Variants in ALMS1 observed in about 807,000 individuals in gnomAD.
ALMS1 encodes centrosome-associated protein ALMS1.
In ALMS1, 271 loss-of-function variants were observed where a neutral mutation model predicts 352.2. The ratio of observed to expected loss-of-function variants is 0.77; its 90% CI spans 0.70 to 0.85. The LOEUF (loss-of-function observed/expected upper bound fraction) is 0.85. Ranked by LOEUF, ALMS1 falls within the 40% of genes least tolerant of loss-of-function variation. The pLI is 0.00. For missense variants in ALMS1, 5,445 were observed against 4,870.7 expected, an observed-to-expected ratio of 1.12 and a Z score of -3.51; for synonymous variants, 1,865 against 1,761.2, an observed-to-expected ratio of 1.06 and a Z score of -1.48.
At chr2:73,519,692 C>G in intron 10 of ALMS1, 83 bp from the exon 11 acceptor site, 1 of 1,581,282 alleles carries the variant, frequency 6.3e-7, no homozygotes, top group Non-Finnish European at 8.6e-7. Flanking sequence ...CTTAAATATT[C>G]CTTGAAACCA....
chr2:73,599,381 G>A lies in ALMS1; in HGVS notation c.11548-20G>A, dbSNP rs773020365. 1 of 1,611,294 alleles carries A rather than the reference G, an allele frequency of 6.2e-7. No individual in the cohort carries two copies. Among genetic ancestry groups the A allele is most frequent in the Non-Finnish European group, 8.5e-7 (1 of 1,179,538 alleles). On this transcript the variant is annotated intron_variant, in intron 16 of 22. Transcript: ENST00000613296. ...CATTGACTGCAGGTAATAATAACAA[G>A]ATCTCTTTTATTTTTCTAGGTAGCA...
At chr2:73,414,678 A>G (rs917840039) in intron 2 of ALMS1, among the ~76,000 whole-genome samples, 1 of 151,922 alleles carries the variant, frequency 6.6e-6, no homozygotes, top group Non-Finnish European at 1.5e-5. Flanking sequence ...TAATCATTAC[A>G]TAACTTCTTT....
intron 1 of ALMS1, among the ~76,000 whole-genome samples, chr2:73,393,239 A>T (rs756988609): frequency 6.6e-6 from 1 of 152,210 alleles, no homozygotes; most frequent in African/African-American, 2.4e-5. Flanking sequence ...GTCCCTTGAC[A>T]AATGTGAGGT....
intron 9 of ALMS1, among the ~76,000 whole-genome samples, chr2:73,471,649 C>G (rs1280269185): frequency 1.3e-5 from 2 of 151,756 alleles, no homozygotes; most frequent in Non-Finnish European, 2.9e-5. Flanking sequence ...AAATGCAAAT[C>G]AAAACCACAA....
rs1346503257 is a variant in ALMS1, at chr2:73,449,569, A to T, written c.3042A>T (p.Gln1014His). 2.5e-6 allele frequency: 4 copies of T among 1,614,026 alleles called. No homozygotes were observed. In the East Asian group the frequency reaches 8.9e-5, roughly 36 times the overall value. ...SHREKPSIFYQQEWPDSYATE... is the reference protein window; with the variant it reads ...SHREKPSIFYHQEWPDSYATE... ...GAGAGAAGCCCAGTATTTTCTATCA[A>T]CAGGAGTGGCCAGATAGTTATGCAA... The change falls in exon 8 of 23, where the codon CAA becomes CAT. Residue 1014 changes from glutamine to histidine, a missense_variant. Physicochemically the swap from Gln to His is conservative, Grantham distance 24. Coordinates refer to ENST00000613296, the MANE Select transcript of ALMS1 (RefSeq NM_001378454.1).
intron 15 of ALMS1, among the ~76,000 whole-genome samples, chr2:73,564,143 C>G (rs1279854864): frequency 6.6e-6 from 1 of 151,500 alleles, no homozygotes; most frequent in Non-Finnish European, 1.5e-5. Flanking sequence ...TTTTTTCATA[C>G]AGCTTTATTC....
intron 10 of ALMS1, among the ~76,000 whole-genome samples, chr2:73,511,006 C>G (rs1462738035): frequency 2.0e-5 from 3 of 152,208 alleles, no homozygotes. Flanking sequence ...ACTGCCTACT[C>G]AAGCCTCAGT....
rs775883785 is a variant in ALMS1, at chr2:73,450,336, A to G, written c.3809A>G (p.Glu1270Gly). 3.1e-6 allele frequency: 5 copies of G among 1,612,466 alleles called. No individual in the cohort carries two copies. The South Asian group carries it at 5.5e-5, about 18-fold the overall frequency. Residue 1270 changes from glutamate (E) to glycine (G), a missense_variant, in exon 8 of 23, where the codon GAA (glutamate) becomes GGA (glycine). Physicochemically the swap from Glu to Gly is moderately conservative, Grantham distance 98. Transcript: ENST00000613296. ...GCTCTGAAAATTTCAGTTGCCTCTG[A>G]ACCAGTTGACCAGACAACTGGCACA... Reference protein sequence around the residue: ...EEALKISVASEPVDQTTGTPA... With the variant: ...EEALKISVASGPVDQTTGTPA...
chr2:73,601,720 T>C (rs1420664864), intron 19 of ALMS1, among the ~76,000 whole-genome samples: 2 of 152,210 alleles, frequency 1.3e-5, no homozygotes, highest in African/African-American at 4.8e-5. Flanking sequence ...TGGGTCCCTG[T>C]GTGTGGAGGG....
intron 7 of ALMS1, among the ~76,000 whole-genome samples, chr2:73,434,609 G>A (rs1224315953): frequency 6.6e-6 from 1 of 152,108 alleles, no homozygotes; most frequent in African/African-American, 2.4e-5. Flanking sequence ...AGTGGGTTTA[G>A]CTGTTCAAAT....
chr2:73,604,125 CAG>C (rs1330511113), intron 21 of ALMS1: 2 of 152,194 alleles, frequency 1.3e-5, no homozygotes, highest in Admixed American at 1.3e-4. Flanking sequence ...TTCTGGAAGA[CAG>C]AAAAAACTGG....
At chr2:73,418,152 T>C (rs1671214733) in intron 2 of ALMS1, among the ~76,000 whole-genome samples, 1 of 152,244 alleles carries the variant, frequency 6.6e-6, no homozygotes. Context: ...TTCTCATTAA[T>C]TTTTGTTAGC....
At chr2:73,492,554 C>A (rs564766783) in intron 10 of ALMS1, among the ~76,000 whole-genome samples, 13 of 152,112 alleles carry the variant, frequency 8.5e-5, no homozygotes, top group African/African-American at 3.1e-4. Context: ...ACACTTCCAA[C>A]CATGATGCTG....
At chr2:73,600,600 T>G (rs1675656138) in intron 17 of ALMS1, 78 bp from the exon 18 acceptor site, 17 of 1,325,584 alleles carry the variant, frequency 1.3e-5, no homozygotes, top group Non-Finnish European at 1.8e-5. Context: ...TTAAAAAGGG[T>G]TCACGTACTC....
Position 73,490,682 on chromosome 2 carries a change from C to T in ALMS1, c.8723C>T (p.Pro2908Leu), listed in dbSNP as rs537639125. The T allele has an allele frequency of 2.5e-6, 4 of 1,614,120 alleles. No homozygotes were observed. The East Asian group carries it at 8.9e-5, about 36-fold the overall frequency. Residue 2908 changes from proline (P) to leucine (L), a missense_variant, in exon 10 of 23, where the codon CCT (proline) becomes CTT (leucine). By Grantham distance (98) the Pro-to-Leu change is moderately conservative. Coordinates refer to ENST00000613296, the MANE Select transcript of ALMS1 (RefSeq NM_001378454.1). ...DHVRKHHSPSPQHQDYVAPDL... is the reference protein window; with the variant it reads ...DHVRKHHSPSLQHQDYVAPDL... ...GTGAGGAAACACCATTCTCCCTCTC[C>T]TCAACATCAGGATTATGTAGCTCCA...
At chr2:73,412,555 C>T (rs566421933) in intron 2 of ALMS1, among the ~76,000 whole-genome samples, 90 of 152,136 alleles carry the variant, frequency 5.9e-4, no homozygotes, top group African/African-American at 2.0e-3. Flanking sequence ...TTTGGGAGGC[C>T]GAAGTGGGTG....
chr2:73,442,548 T>C (rs894230941), intron 7 of ALMS1, among the ~76,000 whole-genome samples: 1 of 152,156 alleles, frequency 6.6e-6, no homozygotes. Context: ...AGGGCACCAA[T>C]TTAATTTCTA....
intron 16 of ALMS1, among the ~76,000 whole-genome samples, chr2:73,584,745 A>C (rs998592350): frequency 2.6e-5 from 4 of 152,162 alleles, no homozygotes; most frequent in African/African-American, 9.7e-5. Flanking sequence ...AGCAGTATAC[A>C]CTGCACCTAA....
At chr2:73,506,398 A>T (rs1572981127) in intron 10 of ALMS1, among the ~76,000 whole-genome samples, 1 of 152,308 alleles carries the variant, frequency 6.6e-6, no homozygotes, top group East Asian at 1.9e-4. Context: ...ATTTCACAAT[A>T]TTGATTCTTC....
Sources: gnomAD v4.1 joint callset for allele counts (sites outside exome capture counted in the v4.1 genomes callset) on GRCh38, gnomAD v4.1.1 for gene constraint, MANE v1.5 for transcripts, NCBI Gene and HGNC (gene_info 2026-07-23, HGNC 2026-07-21) for gene names.